The following OTC variants were observed in gnomAD, a reference collection of about 807,000 sequenced individuals.
The protein encoded by OTC is ornithine transcarbamylase, also known as ornithine transcarbamylase, mitochondrial.
OTC carries 3 observed loss-of-function variants against 30.3 expected under a neutral mutation model. That is an observed-to-expected ratio of 0.10 (90% CI 0.05 to 0.26). OTC has a LOEUF of 0.26. Ranked by LOEUF, OTC falls within the 10% of genes least tolerant of loss-of-function variation. The pLI is 1.00. For synonymous variants in OTC, 111 were observed against 99.7 expected, an observed-to-expected ratio of 1.11 and a Z score of -0.67; for missense variants, 194 against 260.3, an observed-to-expected ratio of 0.75 and a Z score of 1.75.
chrX:38,391,924 A>T (rs887690940), intron 4 of OTC, among the ~76,000 whole-genome samples: 4 of 111,910 alleles, frequency 3.6e-5, no homozygotes, highest in African/African-American at 9.7e-5. Flanking sequence ...ACTAAAGAAG[A>T]TTAAAAAAAT....
chrX:38,368,563 C>A lies in OTC; in HGVS notation c.216+1134C>A, dbSNP rs1384884967. Among the ~76,000 whole-genome samples, 3 of 108,804 alleles carry A rather than the reference C, an allele frequency of 2.8e-5. No individual in the cohort carries two copies. The Admixed American group carries it at 3.0e-4, about 11-fold the overall frequency. The allele number at this position is 108,804 out of a possible 115,157, so 94.5% of individuals were successfully genotyped here. On this transcript the variant is annotated intron_variant, in intron 2 of 9. Coordinates refer to ENST00000039007, the MANE Select transcript of OTC (RefSeq NM_000531.6). ...ATGGTTCTTAGCTATAAGCATAATT[C>A]TGCATTTTGAGCAATTTATCTTCGA...
At chrX:38,368,216 C>T (rs761731565) in intron 2 of OTC, among the ~76,000 whole-genome samples, 1 of 110,409 alleles carries the variant, frequency 9.1e-6, no homozygotes, top group East Asian at 2.9e-4. Context: ...AAAAATTAGC[C>T]GGGCATGGTG....
At chrX:38,376,562 G>T (rs1312264436) in intron 3 of OTC, among the ~76,000 whole-genome samples, 1 of 111,920 alleles carries the variant, frequency 8.9e-6, no homozygotes. Flanking sequence ...AATTTTTTCA[G>T]TGAGGTAGAA....
chrX:38,369,763 T>C (rs1428397284), intron 2 of OTC, 33 bp from the exon 3 acceptor site: 1 of 809,736 alleles, frequency 1.2e-6, no homozygotes. Flanking sequence ...ATATAAGATA[T>C]ATTTTAATTC....
At chrX:38,352,411 G>A, upstream of OTC, 2 of 316,631 alleles carry the variant, frequency 6.3e-6, no homozygotes, top group Non-Finnish European at 1.1e-5. Context: ...GCGTGTGACA[G>A]TATAAATATA....
intron 9 of OTC, among the ~76,000 whole-genome samples, chrX:38,416,368 A>G (rs1320636784): frequency 9.0e-6 from 1 of 111,466 alleles, no homozygotes; most frequent in Non-Finnish European, 1.9e-5. Context: ...CCTCCCCATG[A>G]AGCTTGCTTT....
In OTC at chrX:38,384,741, A is replaced by T. The variant is rs1401271106; in HGVS notation, c.386+3312A>T. 3.6e-5 allele frequency among the ~76,000 whole-genome samples: 4 copies of T among 111,146 alleles called. No homozygotes were observed. The Admixed American group carries it at 3.9e-4, about 11-fold the overall frequency. On this transcript the variant is annotated intron_variant, in intron 4 of 9. Transcript: ENST00000039007. ...GCTGCTTTGGGGGCCTGGTCGAATAAAAAGTGCCTGCACATTGTTGAAAGA... is the reference window on the plus strand; with the variant it reads ...GCTGCTTTGGGGGCCTGGTCGAATATAAAGTGCCTGCACATTGTTGAAAGA...
rs767421981 is a variant in OTC at position 38,360,413 on chromosome X, A to G, written c.78-6878A>G. 5.4e-5 allele frequency among the ~76,000 whole-genome samples: 6 copies of G among 112,126 alleles called. No homozygotes were observed. The South Asian group carries it at 2.2e-3, about 41-fold the overall frequency. On this transcript the variant is annotated intron_variant, in intron 1 of 9. Transcript: ENST00000039007. ...TCATATGTAATCCAGTGAGAAGAGT[A>G]AAAGTAGCAATAAATAAACACATAA... is the stretch of plus-strand genomic sequence containing the variant.
At chrX:38,401,543 T>C (rs1386107296) in intron 5 of OTC, 115 bp downstream of exon 5, 9 of 597,882 alleles carry the variant, frequency 1.5e-5, no homozygotes, top group African/African-American at 6.7e-5. Context: ...AATACCAGCT[T>C]GACAAAGAAT....
intron 3 of OTC, among the ~76,000 whole-genome samples, chrX:38,372,763 T>C (rs2068329110): frequency 8.9e-6 from 1 of 112,709 alleles, no homozygotes; most frequent in Non-Finnish European, 1.9e-5. Flanking sequence ...GACAGAACAT[T>C]CCTATTGTGA....
At chrX:38,415,401 G>T (rs1360372941) in intron 9 of OTC, among the ~76,000 whole-genome samples, 2 of 110,654 alleles carry the variant, frequency 1.8e-5, no homozygotes, top group African/African-American at 6.6e-5. Flanking sequence ...TTCTTATACA[G>T]CTTATTTAGA....
the OTC span, among the ~76,000 whole-genome samples, chrX:38,335,300 T>C: frequency 8.9e-6 from 1 of 112,800 alleles, no homozygotes; most frequent in Non-Finnish European, 1.9e-5. Context: ...TTGTGTGGTT[T>C]AAATGATATG....
In OTC at chrX:38,365,380, T is replaced by A. The variant is rs181365055; in HGVS notation, c.78-1911T>A. On this transcript the variant is annotated intron_variant, in intron 1 of 9. Coordinates refer to ENST00000039007, the MANE Select transcript of OTC (RefSeq NM_000531.6). ...ATTGTCATCACAATATAACAAAATG[T>A]TAAAATTGATCTTTTTCGGTTTTGG... Among the ~76,000 whole-genome samples, 5 of 112,850 alleles carry A rather than the reference T, an allele frequency of 4.4e-5. No individual in the cohort carries two copies. The East Asian group carries it at 1.4e-3, about 31-fold the overall frequency.
At chrX:38,340,363 G>A in the OTC span, among the ~76,000 whole-genome samples, 1 of 110,646 alleles carries the variant, frequency 9.0e-6, no homozygotes, top group Non-Finnish European at 1.9e-5. Flanking sequence ...AAATTATAAT[G>A]GGAATATTAG....
At chrX:38,360,185 T>G (rs979777011) in intron 1 of OTC, among the ~76,000 whole-genome samples, 2 of 110,826 alleles carry the variant, frequency 1.8e-5, no homozygotes, top group Non-Finnish European at 3.8e-5. Context: ...CCTCCCAAAG[T>G]GCTGGGATTA....
chrX:38,367,097 G>T (rs1403563844), intron 1 of OTC, among the ~76,000 whole-genome samples, 194 bp from the exon 2 acceptor site: 3 of 108,130 alleles, frequency 2.8e-5, no homozygotes, highest in African/African-American at 1.0e-4. Context: ...AGAATCGCTT[G>T]AACCTGGGAG....
chrX:38,382,261 G>T (rs2068380546), intron 4 of OTC, among the ~76,000 whole-genome samples: 1 of 112,091 alleles, frequency 8.9e-6, no homozygotes, highest in African/African-American at 3.2e-5. Context: ...ATATTATAAT[G>T]AAACTGAAGC....
At chrX:38,375,362 G>A (rs1459746197) in intron 3 of OTC, among the ~76,000 whole-genome samples, 5 of 112,025 alleles carry the variant, frequency 4.5e-5, no homozygotes, top group Non-Finnish European at 5.6e-5. Context: ...TGATCTACTT[G>A]CATTTTAAAA....
chrX:38,408,677 T>C, intron 6 of OTC, 65 bp from the exon 7 acceptor site: 1 of 736,306 alleles, frequency 1.4e-6, no homozygotes, highest in Non-Finnish European at 2.1e-6. Context: ...AAGAAAATAA[T>C]ATATATTTAA....
Sources: gnomAD v4.1 joint callset for allele counts (sites outside exome capture counted in the v4.1 genomes callset) on GRCh38, gnomAD v4.1.1 for gene constraint, MANE v1.5 for transcripts, NCBI Gene and HGNC (gene_info 2026-07-23, HGNC 2026-07-21) for gene names.